SUGCT: variants seen among roughly 807,000 people sequenced by gnomAD.
SUGCT encodes the protein succinyl-CoA:glutarate CoA-transferase.
A neutral mutation model predicts 55.0 loss-of-function variants in SUGCT; 41 were observed. The ratio of observed to expected loss-of-function variants is 0.74; its 90% CI spans 0.58 to 0.97. The LOEUF (loss-of-function observed/expected upper bound fraction) is 0.97. Among genes scored for constraint, SUGCT ranks in the 50% least tolerant of loss-of-function variants. The pLI, the probability that SUGCT is intolerant of heterozygous loss-of-function variation, is 0.00. For synonymous variants in SUGCT, 187 were observed against 200.4 expected, an observed-to-expected ratio of 0.93 and a Z score of 0.56; for missense variants, 568 against 547.8, an observed-to-expected ratio of 1.04 and a Z score of -0.37.
the SUGCT span, among the ~76,000 whole-genome samples, chr7:41,004,107 T>G: frequency 6.6e-6 from 1 of 152,190 alleles, no homozygotes; most frequent in Non-Finnish European, 1.5e-5. Flanking sequence ...TTGTAGCCAG[T>G]GCAACTGAGC....
At chr7:40,412,359 A>T (rs1008413148) in intron 9 of SUGCT, among the ~76,000 whole-genome samples, 8 of 152,212 alleles carry the variant, frequency 5.3e-5, no homozygotes, top group Admixed American at 1.3e-4. Flanking sequence ...TTAACTAGGA[A>T]CTAACATTTC....
chr7:40,462,530 C>T (rs1466650985), intron 11 of SUGCT, among the ~76,000 whole-genome samples: 1 of 152,080 alleles, frequency 6.6e-6, no homozygotes, highest in Non-Finnish European at 1.5e-5. Context: ...GGAGGGAGTG[C>T]TCTACCTAGT....
the SUGCT span, among the ~76,000 whole-genome samples, chr7:40,969,137 C>T: frequency 6.6e-6 from 1 of 152,246 alleles, no homozygotes; most frequent in Non-Finnish European, 1.5e-5. Flanking sequence ...AACTCCACTG[C>T]TTCCGATTAT....
chr7:40,574,504 T>G (rs2151696176), intron 12 of SUGCT, among the ~76,000 whole-genome samples: 1 of 152,240 alleles, frequency 6.6e-6, no homozygotes, highest in Middle Eastern at 3.4e-3. Context: ...TGATCTTGGC[T>G]CACTGCAAAC....
At chr7:40,474,756 C>G (rs1790570720) in intron 11 of SUGCT, among the ~76,000 whole-genome samples, 1 of 152,148 alleles carries the variant, frequency 6.6e-6, no homozygotes, top group Non-Finnish European at 1.5e-5. Flanking sequence ...GCTCAGCTTT[C>G]AATACTTGCC....
At chr7:40,471,942 A>G (rs1790422951) in intron 11 of SUGCT, among the ~76,000 whole-genome samples, 1 of 152,140 alleles carries the variant, frequency 6.6e-6, no homozygotes, top group Non-Finnish European at 1.5e-5. Flanking sequence ...GGTCAAATTC[A>G]TGTATGAAAA....
At chr7:40,572,327 C>T (rs969941113) in intron 12 of SUGCT, among the ~76,000 whole-genome samples, 4 of 152,026 alleles carry the variant, frequency 2.6e-5, no homozygotes, top group Admixed American at 2.6e-4. Context: ...AAAGAAATTC[C>T]GCAGGGCTTA....
chr7:40,908,076 GC>G, the SUGCT span, among the ~76,000 whole-genome samples: 1 of 151,914 alleles, frequency 6.6e-6, no homozygotes, highest in Non-Finnish European at 1.5e-5. Flanking sequence ...CACCAGGACA[GC>G]CATTTAAAAG....
intron 12 of SUGCT, among the ~76,000 whole-genome samples, chr7:40,639,745 T>A (rs1398807768): frequency 6.6e-6 from 1 of 151,352 alleles, no homozygotes; most frequent in African/African-American, 2.4e-5. Flanking sequence ...ACTCCTGACC[T>A]CAGGTGATCC....
chr7:40,934,725 A>G, the SUGCT span, among the ~76,000 whole-genome samples: 6 of 152,202 alleles, frequency 3.9e-5, no homozygotes, highest in African/African-American at 1.4e-4. Context: ...GCAAGGCTCC[A>G]TGGGTGTAGG....
At chr7:40,995,579 C>A in the SUGCT span, among the ~76,000 whole-genome samples, 6 of 152,022 alleles carry the variant, frequency 3.9e-5, no homozygotes, top group Non-Finnish European at 1.5e-5. Context: ...ATACTTCCCT[C>A]ACTTAATAGT....
At chr7:40,903,512 G>T in the SUGCT span, among the ~76,000 whole-genome samples, 1 of 152,174 alleles carries the variant, frequency 6.6e-6, no homozygotes, top group Non-Finnish European at 1.5e-5. Context: ...GGCCGTCGTT[G>T]GAAGTCCCCA....
the SUGCT span, among the ~76,000 whole-genome samples, chr7:40,883,696 C>T: frequency 6.6e-6 from 1 of 152,186 alleles, no homozygotes; most frequent in Non-Finnish European, 1.5e-5. Context: ...AAGGGTGGGA[C>T]TTTCCAGGAT....
chr7:40,742,617 C>A (rs529389501), intron 12 of SUGCT, among the ~76,000 whole-genome samples: 1 of 152,208 alleles, frequency 6.6e-6, no homozygotes, highest in South Asian at 2.1e-4. Context: ...AGGTCACTTC[C>A]TAACAGGCCA....
intron 12 of SUGCT, among the ~76,000 whole-genome samples, chr7:40,614,025 G>T (rs1474380555): frequency 2.0e-5 from 3 of 152,044 alleles, no homozygotes; most frequent in Non-Finnish European, 4.4e-5. Flanking sequence ...GTATGTCTAT[G>T]GTTTTTAGTC....
chr7:40,738,811 A>C (rs1787312633), intron 12 of SUGCT, among the ~76,000 whole-genome samples: 1 of 152,214 alleles, frequency 6.6e-6, no homozygotes, highest in African/African-American at 2.4e-5. Context: ...ATTTCTCATC[A>C]AACTAGGAAT....
At chr7:40,993,559 G>A in the SUGCT span, among the ~76,000 whole-genome samples, 1 of 152,194 alleles carries the variant, frequency 6.6e-6, no homozygotes, top group Non-Finnish European at 1.5e-5. Context: ...CACCGCACAG[G>A]AAGCAGCTTC....
chr7:41,019,786 G>A, the SUGCT span, among the ~76,000 whole-genome samples: 1 of 152,146 alleles, frequency 6.6e-6, no homozygotes, highest in East Asian at 1.9e-4. Context: ...TTGGAAGGTG[G>A]AAGAAACAGA....
chr7:40,789,861 T>A (rs2128744136), intron 13 of SUGCT, among the ~76,000 whole-genome samples: 1 of 152,298 alleles, frequency 6.6e-6, no homozygotes, highest in African/African-American at 2.4e-5. Context: ...TGAGTGTGAT[T>A]TCCACAGTTA....
Sources: allele counts gnomAD v4.1 joint callset (sites outside exome capture counted in the v4.1 genomes callset), GRCh38; gene constraint gnomAD v4.1.1; transcripts MANE v1.5; gene names NCBI Gene and HGNC (gene_info 2026-07-23, HGNC 2026-07-21).